ADD2: variants seen among roughly 807,000 people sequenced by gnomAD.
ADD2 encodes the protein beta-adducin.
ADD2 carries 23 observed loss-of-function variants against 83.0 expected under a neutral mutation model. The ratio of observed to expected loss-of-function variants is 0.28; its 90% CI spans 0.20 to 0.39. ADD2 has a LOEUF of 0.39. ADD2 is among the 10% of genes least tolerant of loss of function. The probability of loss-of-function intolerance (pLI) is 1.00; values close to 1 mark genes in which losing one functional copy is unlikely to be tolerated. For synonymous variants in ADD2, 375 were observed against 375.4 expected (o/e 1.00, Z 0.01); for missense variants, 758 against 944.9 (o/e 0.80, Z 2.59).
chr2:70,666,931 C>T (rs1675824099), intron 15 of ADD2, among the ~76,000 whole-genome samples: 1 of 152,124 alleles, frequency 6.6e-6, no homozygotes, highest in Non-Finnish European at 1.5e-5. Flanking sequence ...GTCACCACTC[C>T]CTCAACTATA....
intron 9 of ADD2, among the ~76,000 whole-genome samples, chr2:70,686,145 G>T (rs1553370498): frequency 6.6e-6 from 1 of 152,178 alleles, no homozygotes; most frequent in African/African-American, 2.4e-5. Flanking sequence ...CTAGGGCTGC[G>T]CTCCCAGCGG....
intron 1 of ADD2, among the ~76,000 whole-genome samples, chr2:70,756,183 A>C (rs115504000): frequency 6.5e-4 from 99 of 152,238 alleles, no homozygotes; most frequent in African/African-American, 2.3e-3. Flanking sequence ...TCCTCCCCCA[A>C]CATACAGCGG....
At position 70,678,972 on chromosome 2, in the gene ADD2, C is replaced by A; in HGVS notation, c.1126-11G>T. 6.3e-7 allele frequency: 1 copy of A among 1,594,502 alleles called. No homozygotes were observed. The highest frequency in any genetic ancestry group is 1.1e-5 in the South Asian group (1 of 87,546). ...ACCTGTTCTGTAGCCCTATAAAGGA[C>A]AAAAATAGAACCACTTATGGGGTGA... On this transcript the variant is annotated splice_polypyrimidine_tract_variant and intron_variant, in intron 10 of 15. Coordinates refer to ENST00000264436, the MANE Select transcript of ADD2 (RefSeq NM_001617.4).
intron 1 of ADD2, among the ~76,000 whole-genome samples, chr2:70,744,640 C>T (rs782787931): frequency 3.3e-5 from 5 of 152,150 alleles, no homozygotes; most frequent in Non-Finnish European, 5.9e-5. Flanking sequence ...CTATGAGATT[C>T]GAGCACAGAG....
At chr2:70,724,067 C>T (rs973295378) in intron 1 of ADD2, among the ~76,000 whole-genome samples, 2 of 152,236 alleles carry the variant, frequency 1.3e-5, no homozygotes, top group African/African-American at 2.4e-5. Context: ...ATCCACCTAA[C>T]GACCTTCTTG....
chr2:70,728,508 C>T (rs1423707620), intron 1 of ADD2, among the ~76,000 whole-genome samples: 3 of 152,150 alleles, frequency 2.0e-5, no homozygotes, highest in Non-Finnish European at 4.4e-5. Context: ...AGAAGAGGTG[C>T]ACTAGGTGAA....
chr2:70,731,796 C>G (rs1553379340), intron 1 of ADD2, among the ~76,000 whole-genome samples: 1 of 152,236 alleles, frequency 6.6e-6, no homozygotes, highest in African/African-American at 2.4e-5. Flanking sequence ...CCCAGGGACA[C>G]TGCCTTCATT....
chr2:70,704,381 G>T lies in ADD2; in HGVS notation c.262C>A (p.Arg88=), dbSNP rs1553374031. ...GNNSSNIWAL[R]QIADFMASTS... ...CTGGCCATGAAGTCCGCGATCTGTC[G>T]CAGGGCCCAGATGTTGGAGGAGTTG... is the stretch of plus-strand genomic sequence containing the variant. Residue 88 remains arginine (R), a synonymous_variant, in exon 4 of 16, where the codon CGA becomes AGA. Transcript: ENST00000264436. 4 of 1,613,766 alleles carry T rather than the reference G, an allele frequency of 2.5e-6. No individual in the cohort carries two copies. The highest frequency in any genetic ancestry group is 2.2e-5 in the South Asian group (2 of 91,076).
At chr2:70,747,039 T>G (rs1674239688) in intron 1 of ADD2, among the ~76,000 whole-genome samples, 2 of 136,270 alleles carry the variant, frequency 1.5e-5, no homozygotes, top group Non-Finnish European at 3.1e-5. Context: ...AGACAGAGTC[T>G]CGCTCTGTCG....
intron 12 of ADD2, 108 bp downstream of exon 12, chr2:70,677,650 T>G: frequency 1.4e-4 from 192 of 1,401,388 alleles, no homozygotes; most frequent in Non-Finnish European, 1.8e-4. Context: ...GTGAGGCATG[T>G]GAGATGTCAG....
At chr2:70,700,006 A>G (rs1460906123) in intron 4 of ADD2, among the ~76,000 whole-genome samples, 12 of 152,240 alleles carry the variant, frequency 7.9e-5, no homozygotes, top group African/African-American at 2.9e-4. Flanking sequence ...AGCTATAACT[A>G]TCAGTCATGC....
chr2:70,673,292 C>G (rs200714328), intron 14 of ADD2: 3 of 1,614,096 alleles, frequency 1.9e-6, no homozygotes, highest in East Asian at 4.5e-5. Flanking sequence ...CGCACACGGC[C>G]GGACCAGAGC....
At position 70,691,007 on chromosome 2, in the gene ADD2, C is replaced by T; in HGVS notation, c.706-78G>A. ...CAGAGCAGCACAGTCCAGCTCTACT[C>T]TGGGGGCCAGTGAGGGGTGAGGGGT... On this transcript the variant is annotated intron_variant, in intron 7 of 15. Coordinates refer to ENST00000264436, the MANE Select transcript of ADD2 (RefSeq NM_001617.4). The T allele has an allele frequency of 2.0e-6, 3 of 1,494,430 alleles. No individual in the cohort carries two copies. The South Asian group carries it at 4.2e-5, about 21-fold the overall frequency. The allele number at this position is 1,494,430 out of a possible 1,614,324, so 92.6% of individuals were successfully genotyped here. A position where few individuals can be genotyped will look rare whatever the true frequency, so the allele number is the denominator to read the frequency against.
chr2:70,700,714 A>C (rs1553373402), intron 4 of ADD2, among the ~76,000 whole-genome samples: 1 of 152,118 alleles, frequency 6.6e-6, no homozygotes. Flanking sequence ...AGAGAAAGCA[A>C]AAATTTACAT....
rs566023120 is a variant in ADD2 at position 70,738,964 on chromosome 2, C to G, written c.-153-25780G>C. ...CGAAGACAACCTAGGTAATACCATT[C>G]TGGACATAGGAATGGGCAAAGATTT... is the stretch of plus-strand genomic sequence containing the variant. On this transcript the variant is annotated intron_variant, in intron 1 of 15. Coordinates refer to ENST00000264436, the MANE Select transcript of ADD2 (RefSeq NM_001617.4). Among the ~76,000 whole-genome samples the G allele has an allele frequency of 2.6e-5, 4 of 152,298 alleles. No homozygotes were observed. The East Asian group carries it at 7.7e-4, about 29-fold the overall frequency.
At chr2:70,679,058 G>A in intron 10 of ADD2, 97 bp from the exon 11 acceptor site, 1 of 1,396,934 alleles carries the variant, frequency 7.2e-7, no homozygotes, top group Non-Finnish European at 9.7e-7. Flanking sequence ...CTGCTTAAAG[G>A]ACTCTTCATG....
intron 1 of ADD2, among the ~76,000 whole-genome samples, chr2:70,720,507 G>A (rs1672683321): frequency 2.0e-5 from 3 of 152,154 alleles, no homozygotes; most frequent in Non-Finnish European, 2.9e-5. Context: ...GTATTCTAGC[G>A]TCTCCTGCAG....
chr2:70,719,278 G>T (rs3755360), intron 1 of ADD2, among the ~76,000 whole-genome samples: 9 of 151,980 alleles, frequency 5.9e-5, no homozygotes, highest in Non-Finnish European at 8.8e-5. Context: ...ATCTGCCATG[G>T]GTCAGGACCT....
At chr2:70,759,642 T>G (rs782692062) in intron 1 of ADD2, among the ~76,000 whole-genome samples, 12 of 152,156 alleles carry the variant, frequency 7.9e-5, no homozygotes, top group Non-Finnish European at 1.2e-4. Flanking sequence ...CTCCCCTCTC[T>G]CTTGCTTCCT....
Sources: gnomAD v4.1 joint callset for allele counts (sites outside exome capture counted in the v4.1 genomes callset) on GRCh38, gnomAD v4.1.1 for gene constraint, MANE v1.5 for transcripts, NCBI Gene and HGNC (gene_info 2026-07-23, HGNC 2026-07-21) for gene names.